CNOT4: variants seen among roughly 807,000 people sequenced by gnomAD.
The protein encoded by CNOT4 is CCR4-NOT transcription complex subunit 4, also known as CCR4-associated factor 4.
A neutral mutation model predicts 73.8 loss-of-function variants in CNOT4; 8 were observed. That is an observed-to-expected ratio of 0.11 (90% CI 0.06 to 0.20). CNOT4 has a LOEUF of 0.20. Among genes scored for constraint, CNOT4 ranks in the 10% least tolerant of loss-of-function variants. CNOT4 has a pLI of 1.00. For synonymous variants in CNOT4, 293 were observed against 321.1 expected, an observed-to-expected ratio of 0.91 and a Z score of 0.94; for missense variants, 564 against 883.4, an observed-to-expected ratio of 0.64 and a Z score of 4.58.
intron 1 of CNOT4, among the ~76,000 whole-genome samples, chr7:135,484,414 C>T (rs1170807851): frequency 6.6e-6 from 1 of 151,874 alleles, no homozygotes; most frequent in Non-Finnish European, 1.5e-5. Context: ...AAGAAATCTA[C>T]CCAAAAATCC....
At chr7:135,421,795 GT>G (rs2129484526) in intron 3 of CNOT4, among the ~76,000 whole-genome samples, 1 of 152,288 alleles carries the variant, frequency 6.6e-6, no homozygotes, top group East Asian at 1.9e-4. Flanking sequence ...CACCTCCACT[GT>G]TGGTTCTTAT....
chr7:135,470,973 T>C (rs936689777), intron 1 of CNOT4, among the ~76,000 whole-genome samples: 27 of 152,348 alleles, frequency 1.8e-4, no homozygotes, highest in African/African-American at 4.6e-4. Flanking sequence ...TTGTATATAA[T>C]TGACCTCAAA....
At chr7:135,475,746 C>T (rs58624498) in intron 1 of CNOT4, among the ~76,000 whole-genome samples, 1 of 152,024 alleles carries the variant, frequency 6.6e-6, no homozygotes, top group Non-Finnish European at 1.5e-5. Flanking sequence ...CCTGCCATTA[C>T]ACACACACAA....
intron 1 of CNOT4, among the ~76,000 whole-genome samples, chr7:135,503,376 T>C (rs758791182): frequency 4.6e-5 from 7 of 151,754 alleles, no homozygotes; most frequent in Admixed American, 1.3e-4. Flanking sequence ...GGTGGGAGAA[T>C]TGCTTGAACC....
chr7:135,432,664 TTC>T (rs1798914673), intron 2 of CNOT4, among the ~76,000 whole-genome samples: 1 of 152,190 alleles, frequency 6.6e-6, no homozygotes, highest in African/African-American at 2.4e-5. Context: ...TATCCCATGA[TTC>T]TCTGTTCTTT....
chr7:135,428,169 G>A (rs921060836), intron 2 of CNOT4, among the ~76,000 whole-genome samples: 9 of 152,154 alleles, frequency 5.9e-5, no homozygotes, highest in Admixed American at 5.2e-4. Flanking sequence ...TATATTGCTT[G>A]GCTAGACCAA....
chr7:135,417,708 A>G (rs1164084980), intron 3 of CNOT4, among the ~76,000 whole-genome samples: 2 of 152,182 alleles, frequency 1.3e-5, no homozygotes, highest in African/African-American at 2.4e-5. Flanking sequence ...CCTTTAGGAT[A>G]AAGTGCAAAC....
At chr7:135,491,278 G>C (rs1011462803) in intron 1 of CNOT4, among the ~76,000 whole-genome samples, 2 of 152,096 alleles carry the variant, frequency 1.3e-5, no homozygotes, top group African/African-American at 4.8e-5. Context: ...CAAACTAACA[G>C]AGATTGCTAA....
intron 1 of CNOT4, among the ~76,000 whole-genome samples, chr7:135,506,753 C>G (rs1804396226): frequency 6.6e-6 from 1 of 151,590 alleles, no homozygotes; most frequent in Non-Finnish European, 1.5e-5. Context: ...GAGACTGAGG[C>G]AGGAGAATCG....
chr7:135,368,262 A>T (rs913817297), intron 10 of CNOT4, among the ~76,000 whole-genome samples: 1 of 152,180 alleles, frequency 6.6e-6, no homozygotes, highest in African/African-American at 2.4e-5. Context: ...CAGAATCCAT[A>T]GTAAGCGGAT....
intron 6 of CNOT4, among the ~76,000 whole-genome samples, chr7:135,410,996 T>C (rs1017401303): frequency 2.6e-5 from 4 of 151,948 alleles, no homozygotes; most frequent in Non-Finnish European, 1.5e-5. Flanking sequence ...ACTTTAAACC[T>C]ACTTCCAAGT....
chr7:135,481,005 A>C (rs1802343764), intron 1 of CNOT4, among the ~76,000 whole-genome samples: 1 of 151,978 alleles, frequency 6.6e-6, no homozygotes, highest in South Asian at 2.1e-4. Flanking sequence ...GAAAAAAAAA[A>C]AACACATCAA....
At position 135,446,553 on chromosome 7, in the gene CNOT4, CAATCT is replaced by C. The variant is rs1799843294; in HGVS notation, c.-92-8135_-92-8131del. On this transcript the variant is annotated intron_variant, in intron 1 of 11. Transcript: ENST00000541284. ...TTTAATTAACCCTTTAATTTTTTGC[CAATCT>C]AATAGATGAATTTTTAATAACTTAA... Among the ~76,000 whole-genome samples, 3 of 152,044 alleles carry C rather than the reference CAATCT, an allele frequency of 2.0e-5. No individual in the cohort carries two copies. In the South Asian group the frequency reaches 6.2e-4, roughly 32 times the overall value.
chr7:135,495,738 GAAA>G (rs1803513198), intron 1 of CNOT4, among the ~76,000 whole-genome samples: 1 of 98,630 alleles, frequency 1.0e-5, no homozygotes, highest in African/African-American at 3.3e-5. Flanking sequence ...AAGAAAGAAA[GAAA>G]GAAAGAAAGA....
At chr7:135,459,907 G>T (rs981789367) in intron 1 of CNOT4, among the ~76,000 whole-genome samples, 6 of 152,198 alleles carry the variant, frequency 3.9e-5, no homozygotes, top group Non-Finnish European at 7.3e-5. Flanking sequence ...ATCTTAGCTA[G>T]ATCTTCTGGA....
chr7:135,379,125 A>G (rs983669617), intron 10 of CNOT4, among the ~76,000 whole-genome samples: 3 of 152,104 alleles, frequency 2.0e-5, no homozygotes, highest in African/African-American at 7.2e-5. Flanking sequence ...TACATGGAGA[A>G]AGAAACTTCT....
intron 1 of CNOT4, among the ~76,000 whole-genome samples, chr7:135,469,860 T>C (rs1801464872): frequency 6.6e-6 from 1 of 152,030 alleles, no homozygotes; most frequent in Non-Finnish European, 1.5e-5. Context: ...CTTGATCTGT[T>C]GCCCAGGCTG....
intron 1 of CNOT4, chr7:135,444,342 T>C: frequency 1.6e-6 from 1 of 643,244 alleles, no homozygotes; most frequent in Non-Finnish European, 2.8e-6. Context: ...TTTTTGACAA[T>C]AGCCAAAAAA....
intron 7 of CNOT4, among the ~76,000 whole-genome samples, chr7:135,399,167 G>A (rs1174131513): frequency 6.6e-6 from 1 of 151,938 alleles, no homozygotes; most frequent in Non-Finnish European, 1.5e-5. Flanking sequence ...CTCAGCACAT[G>A]AACAAAAATA....
Sources: allele counts gnomAD v4.1 joint callset (sites outside exome capture counted in the v4.1 genomes callset), GRCh38; gene constraint gnomAD v4.1.1; transcripts MANE v1.5; gene names NCBI Gene and HGNC (gene_info 2026-07-23, HGNC 2026-07-21).